The following SLC22A3 variants were observed in gnomAD, a reference collection of about 807,000 sequenced individuals.
The protein encoded by SLC22A3 is EMT organic cation transporter 3.
A neutral mutation model predicts 59.1 loss-of-function variants in SLC22A3; 51 were observed. The observed-to-expected ratio is 0.86, with a 90% CI of 0.69 to 1.09. The LOEUF (loss-of-function observed/expected upper bound fraction) is 1.09. Ranked by LOEUF, SLC22A3 falls within the 50% of genes least tolerant of loss-of-function variation. The probability of loss-of-function intolerance (pLI) is 0.00; values close to 1 mark genes in which losing one functional copy is unlikely to be tolerated. For missense variants in SLC22A3, 711 were observed against 726.3 expected (o/e 0.98, Z 0.24); for synonymous variants, 325 against 292.0 (o/e 1.11, Z -1.15).
At chr6:160,441,645 G>T (rs1788546197) in intron 7 of SLC22A3, among the ~76,000 whole-genome samples, 1 of 144,020 alleles carries the variant, frequency 6.9e-6, no homozygotes, top group Non-Finnish European at 1.5e-5. Flanking sequence ...TCTCTAGAGA[G>T]AACACACAGA....
rs964172912 is a variant in SLC22A3, at chr6:160,363,781, C to G, written c.429+14933C>G. Among the ~76,000 whole-genome samples the G allele has an allele frequency of 9.2e-5, 14 of 152,080 alleles. 1 individual carries two copies. The highest frequency in any genetic ancestry group is 5.9e-4 in the Admixed American group (9 of 15,282). ...ACCTTACTTAGACATGTCCCTGCCC[C>G]CAGCACAGGGGCTGCCTTCAAGACC... On this transcript the variant is annotated intron_variant, in intron 1 of 10. Coordinates refer to ENST00000275300, the MANE Select transcript of SLC22A3 (RefSeq NM_021977.4).
Position 160,408,858 on chromosome 6 carries a change from C to G in SLC22A3, c.794C>G (p.Pro265Arg). The stretch of plus-strand genomic sequence containing the variant: ...CTCCCTGGAATTGCCTACTTCATCC[C>G]CAACTGGCAAGGAATCCAGTTAGCC... ...IILPGIAYFI[P>R]NWQGIQLAIT... The change falls in exon 4 of 11, where the codon CCC (proline) becomes CGC (arginine). Residue 265 changes from proline (P) to arginine (R), a missense_variant. Transcript: ENST00000275300. 3 of 1,613,802 alleles carry G rather than the reference C, an allele frequency of 1.9e-6. No individual in the cohort carries two copies. Among genetic ancestry groups the G allele is most frequent in the Non-Finnish European group, 2.5e-6 (3 of 1,179,848 alleles).
intron 5 of SLC22A3, among the ~76,000 whole-genome samples, chr6:160,419,266 T>C (rs1442950327): frequency 2.0e-5 from 3 of 152,230 alleles, no homozygotes; most frequent in Non-Finnish European, 4.4e-5. Context: ...CCAATATTGC[T>C]ACAGAAAGGG....
intron 5 of SLC22A3, among the ~76,000 whole-genome samples, chr6:160,416,234 A>C (rs1399897795): frequency 6.6e-6 from 1 of 152,204 alleles, no homozygotes; most frequent in Non-Finnish European, 1.5e-5. Flanking sequence ...ACATACAAAC[A>C]GTATAACTGT....
intron 1 of SLC22A3, among the ~76,000 whole-genome samples, chr6:160,365,038 AT>A (rs968886496): frequency 4.7e-5 from 7 of 149,976 alleles, no homozygotes; most frequent in African/African-American, 1.5e-4. Context: ...AAAATCAATA[AT>A]TTTTTTTACT....
chr6:160,355,399 G>A (rs140481741), intron 1 of SLC22A3, among the ~76,000 whole-genome samples: 3,281 of 152,214 alleles, frequency 0.022, 45 homozygotes, highest in South Asian at 0.048. Context: ...GTCACCCTGG[G>A]ACATGTGCCA....
chr6:160,368,686 A>G (rs538761132), intron 1 of SLC22A3, among the ~76,000 whole-genome samples: 1 of 152,150 alleles, frequency 6.6e-6, no homozygotes, highest in East Asian at 1.9e-4. Flanking sequence ...GTCTCTGATG[A>G]CCTTGAGGTT....
At position 160,348,682 on chromosome 6, in the gene SLC22A3, G is replaced by T. The variant is rs946428625; in HGVS notation, c.263G>T (p.Gly88Val). 6.6e-7 allele frequency: 1 copy of T among 1,507,300 alleles called. No individual in the cohort carries two copies. Among genetic ancestry groups the T allele is most frequent in the African/African-American group, 1.4e-5 (1 of 69,250 alleles). The allele number at this position is 1,507,300 out of a possible 1,614,324, so 93.4% of individuals were successfully genotyped here. Residue 88 changes from glycine to valine, a missense_variant, in exon 1 of 11, where the codon GGC becomes GTC. Physicochemically the swap from Gly to Val is moderately radical, Grantham distance 109. Coordinates refer to ENST00000275300, the MANE Select transcript of SLC22A3 (RefSeq NM_021977.4). Reference sequence around the variant, plus strand: ...GGCCCAGAGCCCCCCGAGCGCCGCGGCCGCTGCCAGCGCTACCTCCTGGAG... The same window carrying T: ...GGCCCAGAGCCCCCCGAGCGCCGCGTCCGCTGCCAGCGCTACCTCCTGGAG... ...SRGPEPPERR[G>V]RCQRYLLEAA...
At position 160,447,938 on chromosome 6, in the gene SLC22A3, AT is replaced by A. The variant is rs1788808113; in HGVS notation, c.1610+121del. 6 of 824,552 alleles carry A rather than the reference AT, an allele frequency of 7.3e-6. No homozygotes were observed. The South Asian group carries it at 8.9e-5, about 12-fold the overall frequency. 51.1% of individuals were successfully genotyped at this position (824,552 alleles called of 1,614,324 possible). On this transcript the variant is annotated intron_variant, in intron 10 of 10. Transcript: ENST00000275300. ...AAAAATAAGAATAAATCCTCATCTC[AT>A]ATTGTAAGCAAAAAATTCAAAGTAG...
At chr6:160,356,172 C>G (rs548420876) in intron 1 of SLC22A3, among the ~76,000 whole-genome samples, 1 of 152,192 alleles carries the variant, frequency 6.6e-6, no homozygotes, top group Non-Finnish European at 1.5e-5. Flanking sequence ...TGACTCCTAA[C>G]GCCGATTCCT....
chr6:160,418,931 A>G (rs1324818967), intron 5 of SLC22A3, among the ~76,000 whole-genome samples: 1 of 152,186 alleles, frequency 6.6e-6, no homozygotes, highest in Non-Finnish European at 1.5e-5. Flanking sequence ...TGTATTGTTT[A>G]TAGTGAATCT....
chr6:160,391,677 T>C lies in SLC22A3; in HGVS notation c.430-6302T>C, dbSNP rs371993293. On this transcript the variant is annotated intron_variant, in intron 1 of 10. Coordinates refer to ENST00000275300, the MANE Select transcript of SLC22A3 (RefSeq NM_021977.4). ...CTTCTCGTCTTTAGACAGTCTCAGT[T>C]ATTTAGAGAAATTGTAAACATTTTA... Among the ~76,000 whole-genome samples, 7 of 152,312 alleles carry C rather than the reference T, an allele frequency of 4.6e-5. No homozygotes were observed. In the East Asian group the frequency reaches 1.2e-3, roughly 25 times the overall value.
intron 2 of SLC22A3, among the ~76,000 whole-genome samples, chr6:160,401,248 G>C (rs779634145): frequency 6.6e-5 from 10 of 151,956 alleles, no homozygotes; most frequent in Non-Finnish European, 1.3e-4. Flanking sequence ...AGTATACCTA[G>C]TTATATCGTA....
chr6:160,351,003 G>C (rs943499415), intron 1 of SLC22A3, among the ~76,000 whole-genome samples: 1 of 152,184 alleles, frequency 6.6e-6, no homozygotes, highest in South Asian at 2.1e-4. Flanking sequence ...TGTTTGGTGT[G>C]CCCAGAACAA....
chr6:160,403,111 A>AT (rs1263564743), intron 2 of SLC22A3, among the ~76,000 whole-genome samples: 3 of 151,478 alleles, frequency 2.0e-5, no homozygotes, highest in Non-Finnish European at 3.0e-5. Flanking sequence ...ATTTGAAACG[A>AT]TCAAAAAAAA....
chr6:160,418,343 G>T (rs1787591281), intron 5 of SLC22A3, among the ~76,000 whole-genome samples: 1 of 152,162 alleles, frequency 6.6e-6, no homozygotes, highest in Non-Finnish European at 1.5e-5. Flanking sequence ...TTTGCCAGGG[G>T]CTCTCGGGCC....
intron 2 of SLC22A3, among the ~76,000 whole-genome samples, chr6:160,399,728 T>C (rs1786681946): frequency 2.0e-5 from 3 of 152,172 alleles, no homozygotes; most frequent in African/African-American, 7.2e-5. Context: ...AAAATCTAGA[T>C]TGGGGCTTCT....
intron 1 of SLC22A3, chr6:160,349,059 G>A (rs1291210620): frequency 1.0e-6 from 1 of 985,334 alleles, no homozygotes; most frequent in Admixed American, 6.1e-5. Context: ...GCCTGAGCCC[G>A]TGAGTTAATG....
At position 160,348,844 on chromosome 6, in the gene SLC22A3, G is replaced by T; in HGVS notation, c.425G>T (p.Ser142Ile). Residue 142 changes from serine (S) to isoleucine (I), a missense_variant, in exon 1 of 11, where the codon AGC becomes ATC. Coordinates refer to ENST00000275300, the MANE Select transcript of SLC22A3 (RefSeq NM_021977.4). Reference protein sequence around the residue: ...RYAQAHSTIVSEFDLVCVNAW... With the variant: ...RYAQAHSTIVIEFDLVCVNAW... ...GCCCAGGCCCACTCCACCATCGTCA[G>T]CGAGGTAAGGGCGCCCCGGCCCTTT... is the stretch of plus-strand genomic sequence containing the variant. 6.3e-7 allele frequency: 1 copy of T among 1,583,818 alleles called. No homozygotes were observed. Among genetic ancestry groups the T allele is most frequent in the Non-Finnish European group, 8.5e-7 (1 of 1,173,326 alleles).
Sources: allele counts gnomAD v4.1 joint callset (sites outside exome capture counted in the v4.1 genomes callset), GRCh38; gene constraint gnomAD v4.1.1; transcripts MANE v1.5; gene names NCBI Gene and HGNC (gene_info 2026-07-23, HGNC 2026-07-21).